The following IRAK3 variants were observed in gnomAD, a reference collection of about 807,000 sequenced individuals.
IRAK3 encodes the protein interleukin 1 receptor associated kinase 3.
A neutral mutation model predicts 56.6 loss-of-function variants in IRAK3; 57 were observed. That is an observed-to-expected ratio of 1.01 (90% CI 0.81 to 1.26). The LOEUF (loss-of-function observed/expected upper bound fraction) is 1.26. Ranked by LOEUF, IRAK3 falls within the 50% of genes most tolerant of loss-of-function variation. The pLI, the probability that IRAK3 is intolerant of heterozygous loss-of-function variation, is 0.00. For missense variants in IRAK3, 703 were observed against 719.0 expected, an observed-to-expected ratio of 0.98 and a Z score of 0.25; for synonymous variants, 258 against 255.7, an observed-to-expected ratio of 1.01 and a Z score of -0.09.
At chr12:66,199,184 ATAAT>A (rs2136915761) in intron 1 of IRAK3, among the ~76,000 whole-genome samples, 1 of 152,318 alleles carries the variant, frequency 6.6e-6, no homozygotes, top group East Asian at 1.9e-4. Context: ...AAGAGGTGTT[ATAAT>A]TAATTAACAG....
At position 66,220,675 on chromosome 12, in the gene IRAK3, T is replaced by C. The variant is rs1463443859; in HGVS notation, c.653+3440T>C. Among the ~76,000 whole-genome samples, 12 of 151,012 alleles carry C rather than the reference T, an allele frequency of 7.9e-5. No individual in the cohort carries two copies. The South Asian group carries it at 1.3e-3, about 16-fold the overall frequency. On this transcript the variant is annotated intron_variant, in intron 6 of 11. Coordinates refer to ENST00000261233, the MANE Select transcript of IRAK3 (RefSeq NM_007199.3). ...AGCTGGGACTACAGGCGCCCGCCAC[T>C]ACGCCCGGCTAATTTTTTGTATTTT...
chr12:66,199,495 G>C (rs1277163861), intron 1 of IRAK3, among the ~76,000 whole-genome samples: 1 of 152,100 alleles, frequency 6.6e-6, no homozygotes, highest in Non-Finnish European at 1.5e-5. Flanking sequence ...TTCCTCCCCA[G>C]GATAGTGTAC....
Position 66,244,642 on chromosome 12 carries a change from G to A in IRAK3, c.1044G>A (p.Gln348=). ...ACATGCCAGAAGAGTACATCAGACAGGGGAAACTTTCCATTAAAACAGATG... is the reference window on the plus strand; with the variant it reads ...ACATGCCAGAAGAGTACATCAGACAAGGGAAACTTTCCATTAAAACAGATG... ...LWYMPEEYIR[Q]GKLSIKTDVY... Residue 348 remains glutamine (Q), a synonymous_variant, in exon 9 of 12, where the codon CAG becomes CAA. Coordinates refer to ENST00000261233, the MANE Select transcript of IRAK3 (RefSeq NM_007199.3). 6.2e-7 allele frequency: 1 copy of A among 1,614,016 alleles called. No individual in the cohort carries two copies. The highest frequency in any genetic ancestry group is 8.5e-7 in the Non-Finnish European group (1 of 1,179,966).
rs968520347 is a variant in IRAK3 at position 66,243,546 on chromosome 12, A to G, written c.888-940A>G. Among the ~76,000 whole-genome samples the G allele has an allele frequency of 4.6e-5, 7 of 152,212 alleles. No homozygotes were observed. In the East Asian group the frequency reaches 5.8e-4, roughly 13 times the overall value. On this transcript the variant is annotated intron_variant, in intron 8 of 11. Coordinates refer to ENST00000261233, the MANE Select transcript of IRAK3 (RefSeq NM_007199.3). Reference sequence around the variant, plus strand: ...TTGGCTGCCCCACCTCCTTCTCAATATCCATCTGTTCTCTTAGAATTGATT... The same window carrying G: ...TTGGCTGCCCCACCTCCTTCTCAATGTCCATCTGTTCTCTTAGAATTGATT...
chr12:66,195,406 G>A (rs2052441311), intron 1 of IRAK3, among the ~76,000 whole-genome samples: 1 of 152,178 alleles, frequency 6.6e-6, no homozygotes, highest in Admixed American at 6.5e-5. Flanking sequence ...AGCCTGTGAT[G>A]CCTGTAAAGC....
chr12:66,199,470 T>C (rs570706530), intron 1 of IRAK3, among the ~76,000 whole-genome samples: 1 of 152,194 alleles, frequency 6.6e-6, no homozygotes, highest in African/African-American at 2.4e-5. Context: ...AATCTGAAAC[T>C]GTAGTGATTA....
chr12:66,210,695 A>G (rs923557475), intron 4 of IRAK3, among the ~76,000 whole-genome samples: 2 of 152,182 alleles, frequency 1.3e-5, no homozygotes, highest in Non-Finnish European at 2.9e-5. Flanking sequence ...GTTAAAGACT[A>G]TTTAAGGCTG....
intron 9 of IRAK3, 70 bp downstream of exon 9, chr12:66,244,754 TAA>T: frequency 1.4e-6 from 2 of 1,398,082 alleles, no homozygotes; most frequent in East Asian, 2.4e-5. Flanking sequence ...AAGAATTTTT[TAA>T]AGAGTTTTAA....
intron 6 of IRAK3, among the ~76,000 whole-genome samples, chr12:66,219,261 A>G (rs1477764789): frequency 6.6e-6 from 1 of 152,192 alleles, no homozygotes; most frequent in Non-Finnish European, 1.5e-5. Flanking sequence ...CATCCTGAAT[A>G]TACTCCCATA....
rs1479102951 is a variant in IRAK3, at chr12:66,248,246, T to C, written c.*75T>C. ...CATAGGTATGACCTTGGGAAGACAT[T>C]GGCTCCATAAGCAATGCCAAGAGAA... On this transcript the variant is annotated 3_prime_UTR_variant, in exon 12 of 12. Transcript: ENST00000261233. 6.8e-6 allele frequency: 7 copies of C among 1,034,116 alleles called. No homozygotes were observed. Among genetic ancestry groups the C allele is most frequent in the Non-Finnish European group, 1.1e-5 (7 of 665,764 alleles). The allele number at this position is 1,034,116 out of a possible 1,614,324, so 64.1% of individuals were successfully genotyped here.
At chr12:66,233,008 A>ATTG (rs1476757238) in intron 8 of IRAK3, among the ~76,000 whole-genome samples, 77 of 151,174 alleles carry the variant, frequency 5.1e-4, no homozygotes, top group African/African-American at 1.8e-3. Flanking sequence ...TATTATTATT[A>ATTG]TTATTATTTT....
At chr12:66,221,213 G>C (rs908176715) in intron 6 of IRAK3, among the ~76,000 whole-genome samples, 1 of 152,040 alleles carries the variant, frequency 6.6e-6, no homozygotes, top group Non-Finnish European at 1.5e-5. Flanking sequence ...TTTATATGTT[G>C]ATTTTGTATT....
chr12:66,194,553 C>A (rs182420887), intron 1 of IRAK3, among the ~76,000 whole-genome samples: 9 of 152,104 alleles, frequency 5.9e-5, no homozygotes, highest in African/African-American at 2.2e-4. Flanking sequence ...CCCTGCCGGA[C>A]GCGGTGGTTC....
At chr12:66,235,267 G>C (rs1286877107) in intron 8 of IRAK3, 4 of 1,553,172 alleles carry the variant, frequency 2.6e-6, no homozygotes, top group South Asian at 1.2e-5. Flanking sequence ...CGGGGTTGCC[G>C]CTGCTGCTGG....
At chr12:66,241,862 GA>G (rs1387631859) in intron 8 of IRAK3, among the ~76,000 whole-genome samples, 2 of 152,314 alleles carry the variant, frequency 1.3e-5, no homozygotes, top group East Asian at 3.9e-4. Context: ...CACAGAAGCT[GA>G]CTCACCATTT....
At chr12:66,196,720 C>T (rs1344388920) in intron 1 of IRAK3, 1 of 222,276 alleles carries the variant, frequency 4.5e-6, no homozygotes, top group Admixed American at 6.5e-5. Flanking sequence ...TTAATGCTAA[C>T]AGTCTGGTAT....
intron 8 of IRAK3, among the ~76,000 whole-genome samples, chr12:66,232,593 C>T (rs2052855069): frequency 1.3e-5 from 2 of 152,128 alleles, no homozygotes; most frequent in South Asian, 4.1e-4. Context: ...GATTGGCTGA[C>T]CTAGATTACC....
chr12:66,207,472 CA>C (rs58489449), intron 2 of IRAK3, among the ~76,000 whole-genome samples: 141,662 of 146,798 alleles, frequency 0.97, 68,389 homozygotes, highest in East Asian at 1. Flanking sequence ...ACTCCATCTC[CA>C]AAAAAAAAAA....
At position 66,254,350 on chromosome 12, in the gene IRAK3, G is replaced by A. The variant is rs1338391770; in HGVS notation, c.*6179G>A. On this transcript the variant is annotated 3_prime_UTR_variant, in exon 12 of 12. Coordinates refer to ENST00000261233, the MANE Select transcript of IRAK3 (RefSeq NM_007199.3). ...GTCATTTAAAAATATTTAGATATAT[G>A]TTTATTGCTATGGATATATGTTCCC... The A allele has an allele frequency of 7.9e-5, 12 of 152,178 alleles. No homozygotes were observed. Among genetic ancestry groups the A allele is most frequent in the Non-Finnish European group, 1.0e-4 (7 of 67,984 alleles). The allele number at this position is 152,178 out of a possible 1,614,324, so 9.4% of individuals were successfully genotyped here. A position where few individuals can be genotyped will look rare whatever the true frequency, so the allele number is the denominator to read the frequency against.
Sources: allele counts gnomAD v4.1 joint callset (sites outside exome capture counted in the v4.1 genomes callset), GRCh38; gene constraint gnomAD v4.1.1; transcripts MANE v1.5; gene names NCBI Gene and HGNC (gene_info 2026-07-23, HGNC 2026-07-21).